Variants in CDK14 observed in about 807,000 individuals in gnomAD.
The protein encoded by CDK14 is cyclin dependent kinase 14.
A neutral mutation model predicts 60.7 loss-of-function variants in CDK14; 34 were observed. The observed-to-expected ratio is 0.56, with a 90% CI of 0.43 to 0.75. The LOEUF (loss-of-function observed/expected upper bound fraction) is 0.75, where lower values mean the gene tolerates loss of function less well. Ranked by LOEUF, CDK14 falls within the 30% of genes least tolerant of loss-of-function variation. The pLI is 0.00. For synonymous variants in CDK14, 197 were observed against 203.7 expected, an observed-to-expected ratio of 0.97 and a Z score of 0.28; for missense variants, 482 against 564.1, an observed-to-expected ratio of 0.85 and a Z score of 1.47.
intron 2 of CDK14, among the ~76,000 whole-genome samples, chr7:90,614,284 C>T (rs1019724368): frequency 5.3e-5 from 8 of 152,182 alleles, no homozygotes; most frequent in African/African-American, 1.9e-4. Flanking sequence ...GGATTACAGG[C>T]ATAAGCCACC....
At chr7:91,169,682 A>T (rs1801453864) in intron 14 of CDK14, among the ~76,000 whole-genome samples, 1 of 152,202 alleles carries the variant, frequency 6.6e-6, no homozygotes, top group African/African-American at 2.4e-5. Flanking sequence ...AAACAGTAAC[A>T]AGCCTGCCAG....
At chr7:91,205,572 T>C (rs1356902132) in intron 14 of CDK14, among the ~76,000 whole-genome samples, 2 of 152,100 alleles carry the variant, frequency 1.3e-5, no homozygotes, top group East Asian at 3.9e-4. Context: ...GGATATAGGA[T>C]CTCCTTTGGG....
chr7:90,849,279 ACCT>A (rs2117174419), intron 5 of CDK14, among the ~76,000 whole-genome samples: 1 of 150,358 alleles, frequency 6.7e-6, no homozygotes, highest in Admixed American at 6.6e-5. Flanking sequence ...CTCGCTCTTC[ACCT>A]CCTGCCATGA....
intron 9 of CDK14, among the ~76,000 whole-genome samples, chr7:90,977,600 C>T (rs548480736): frequency 1.2e-4 from 19 of 152,122 alleles, no homozygotes; most frequent in South Asian, 6.2e-4. Flanking sequence ...ATCAGTCTTA[C>T]GGGAAATCAT....
chr7:90,948,362 AATGC>A (rs1301194732), intron 8 of CDK14, among the ~76,000 whole-genome samples: 3 of 152,260 alleles, frequency 2.0e-5, no homozygotes, highest in African/African-American at 4.8e-5. Flanking sequence ...ATTCTCTGCT[AATGC>A]AGATGTGATA....
At chr7:91,091,520 T>TTA (rs1798827161) in intron 12 of CDK14, among the ~76,000 whole-genome samples, 1 of 141,008 alleles carries the variant, frequency 7.1e-6, no homozygotes, top group African/African-American at 2.8e-5. Flanking sequence ...TATATATAAA[T>TTA]TAGCCAGGCA....
In CDK14 at chr7:90,768,788, C is replaced by T. The variant is rs557591770; in HGVS notation, c.464+21013C>T. On this transcript the variant is annotated intron_variant, in intron 4 of 14. Coordinates refer to ENST00000380050, the MANE Select transcript of CDK14 (RefSeq NM_001287135.2). ...CTGGATTTTTAAAATCATGGTAAAACGAAGACAATAAATGATATGTTTCCT... is the reference window on the plus strand; with the variant it reads ...CTGGATTTTTAAAATCATGGTAAAATGAAGACAATAAATGATATGTTTCCT... 5.7e-4 allele frequency among the ~76,000 whole-genome samples: 87 copies of T among 152,086 alleles called. 1 individual carries two copies. The South Asian group carries it at 0.01, about 18-fold the overall frequency.
intron 3 of CDK14, among the ~76,000 whole-genome samples, chr7:90,733,902 G>A (rs564733606): frequency 6.0e-4 from 91 of 152,252 alleles, no homozygotes; most frequent in Non-Finnish European, 1.1e-3. Flanking sequence ...TCTTCATAGC[G>A]TTGATGGTCT....
intron 10 of CDK14, among the ~76,000 whole-genome samples, chr7:90,992,291 CT>C (rs1362492814): frequency 6.6e-6 from 1 of 152,142 alleles, no homozygotes; most frequent in Non-Finnish European, 1.5e-5. Context: ...AGTGAAAAAA[CT>C]TTTTTTACTT....
At chr7:91,051,737 T>G in intron 11 of CDK14, among the ~76,000 whole-genome samples, 1 of 152,168 alleles carries the variant, frequency 6.6e-6, no homozygotes, top group East Asian at 1.9e-4. Context: ...AACAGGAGGC[T>G]TTTGCATAAG....
In CDK14 at chr7:90,601,807, G is replaced by A. The variant is rs1799319126; in HGVS notation, c.92-2411G>A. On this transcript the variant is annotated intron_variant, in intron 1 of 14. Coordinates refer to ENST00000380050, the MANE Select transcript of CDK14 (RefSeq NM_001287135.2). The stretch of plus-strand genomic sequence containing the variant: ...CTCACTCTGTCGCCCAGGCTGGAGT[G>A]CAGTGGCGCAATCTTGCTCACTGCA... 3.9e-5 allele frequency among the ~76,000 whole-genome samples: 6 copies of A among 151,990 alleles called. No homozygotes were observed. The South Asian group carries it at 1.2e-3, about 31-fold the overall frequency.
intron 9 of CDK14, among the ~76,000 whole-genome samples, chr7:90,974,947 G>A (rs547293558): frequency 2.6e-5 from 4 of 152,180 alleles, no homozygotes; most frequent in East Asian, 1.9e-4. Context: ...TTGCCATATC[G>A]CCATAACCCC....
chr7:90,968,612 G>T (rs1320709366), intron 9 of CDK14, among the ~76,000 whole-genome samples: 2 of 151,954 alleles, frequency 1.3e-5, no homozygotes, highest in African/African-American at 2.4e-5. Context: ...TAATTTAAAT[G>T]GTTCTTCCTT....
At chr7:91,006,762 A>T (rs1277096773) in intron 10 of CDK14, among the ~76,000 whole-genome samples, 2 of 152,240 alleles carry the variant, frequency 1.3e-5, no homozygotes, top group African/African-American at 4.8e-5. Flanking sequence ...TTTGTGAGTG[A>T]TGTGTGTTTC....
At chr7:90,692,224 C>G (rs1476511873) in intron 2 of CDK14, among the ~76,000 whole-genome samples, 1 of 152,064 alleles carries the variant, frequency 6.6e-6, no homozygotes, top group Non-Finnish European at 1.5e-5. Flanking sequence ...GCTTCTTTTT[C>G]TGTAAGACAA....
chr7:90,938,442 T>A (rs971131458), intron 8 of CDK14, among the ~76,000 whole-genome samples: 3 of 152,230 alleles, frequency 2.0e-5, no homozygotes, highest in Non-Finnish European at 4.4e-5. Context: ...TCCAACTTGC[T>A]AATGTTATAT....
In CDK14 at chr7:90,681,457, G is replaced by A. The variant is rs560195299; in HGVS notation, c.124-45110G>A. ...CATTTAACAGACTCATGGGATGAAC[G>A]GGTCCTTTACATTCTCTCTGAGAAC... On this transcript the variant is annotated intron_variant, in intron 2 of 14. Transcript: ENST00000380050. Among the ~76,000 whole-genome samples the A allele has an allele frequency of 9.9e-5, 15 of 152,180 alleles. 1 individual carries two copies. The highest frequency in any genetic ancestry group is 7.9e-4 in the Admixed American group (12 of 15,268).
chr7:90,733,998 G>A (rs1262324499), intron 3 of CDK14, among the ~76,000 whole-genome samples: 1 of 152,178 alleles, frequency 6.6e-6, no homozygotes, highest in East Asian at 1.9e-4. Context: ...TTGTAAGGCA[G>A]GCCTGGTGGT....
chr7:90,710,468 T>C (rs1444241831), intron 2 of CDK14: 3 of 984,930 alleles, frequency 3.0e-6, no homozygotes, highest in South Asian at 9.4e-5. Flanking sequence ...CTCTAATATA[T>C]TAGAGACCTG....
Sources: allele counts gnomAD v4.1 joint callset (sites outside exome capture counted in the v4.1 genomes callset), GRCh38; gene constraint gnomAD v4.1.1; transcripts MANE v1.5; gene names NCBI Gene and HGNC (gene_info 2026-07-23, HGNC 2026-07-21).